ZNF778: variants seen among roughly 807,000 people sequenced by gnomAD.
ZNF778 encodes the protein zinc finger protein 778.
Under a neutral mutation model 23.9 loss-of-function variants are expected in ZNF778, and 37 were observed. The observed-to-expected ratio is 1.54, with a 90% confidence interval of 1.19 to 2.03. The LOEUF (loss-of-function observed/expected upper bound fraction) is 2.03. ZNF778 is among the 30% of genes most tolerant of loss of function. The pLI is 0.00. For synonymous variants in ZNF778, 483 were observed against 343.9 expected (o/e 1.40, Z -4.48); for missense variants, 1,297 against 934.4 (o/e 1.39, Z -5.06).
rs895191705 is a variant in ZNF778, at chr16:89,230,226, G to A, written c.*1664G>A. ...ACCAGGGTGCAAGGAGGGGCAGAGT[G>A]GAGAGGGGCGAGGTCTGTACCCTGA... On this transcript the variant is annotated 3_prime_UTR_variant, in exon 7 of 7. Transcript: ENST00000433976. The A allele has an allele frequency of 1.8e-5, 5 of 284,542 alleles. No homozygotes were observed. Among genetic ancestry groups the A allele is most frequent in the Non-Finnish European group, 2.6e-5 (5 of 189,380 alleles). 17.6% of individuals were successfully genotyped at this position (284,542 alleles called of 1,614,324 possible).
chr16:89,224,226 C>T (rs867181872), intron 4 of ZNF778, among the ~76,000 whole-genome samples: 11 of 150,176 alleles, frequency 7.3e-5, no homozygotes, highest in Admixed American at 3.3e-4. Flanking sequence ...GGTGGCCACG[C>T]CTGTAATCCC....
rs925850922 is a variant in ZNF778, at chr16:89,231,473, A to T, written c.*2911A>T. 1 of 151,788 alleles carries T rather than the reference A, an allele frequency of 6.6e-6. No individual in the cohort carries two copies. The highest frequency in any genetic ancestry group is 6.6e-5 in the Admixed American group (1 of 15,232). 9.4% of individuals were successfully genotyped at this position (151,788 alleles called of 1,614,324 possible). On this transcript the variant is annotated 3_prime_UTR_variant, in exon 7 of 7. Coordinates refer to ENST00000433976, the MANE Select transcript of ZNF778 (RefSeq NM_001201407.2). ...AGCACAGACCTCAATTAAGACGACT[A>T]CCCCTCCGACGACTCCCCCTCCCTT...
chr16:89,219,464 T>A (rs756176350), intron 1 of ZNF778, among the ~76,000 whole-genome samples: 2 of 152,254 alleles, frequency 1.3e-5, no homozygotes, highest in Non-Finnish European at 2.9e-5. Flanking sequence ...TCAGCCTTAG[T>A]CACCTCATGT....
Position 89,232,642 on chromosome 16 carries a change from G to GTT in ZNF778, c.*4093_*4094dup. 9.4e-5 allele frequency: 98 copies of GTT among 1,046,896 alleles called. No homozygotes were observed. Among genetic ancestry groups the GTT allele is most frequent in the Non-Finnish European group, 9.7e-5 (85 of 877,652 alleles). 64.9% of individuals were successfully genotyped at this position (1,046,896 alleles called of 1,614,324 possible). A position where few individuals can be genotyped will look rare whatever the true frequency, so the allele number is the denominator to read the frequency against. Reference sequence around the variant, plus strand: ...TTAAAGGACCAATTGTATTAATTATGTTTTTTTTTTTTTTGTTAGGGTACA... The same window carrying GTT: ...TTAAAGGACCAATTGTATTAATTATGTTTTTTTTTTTTTTTTGTTAGGGTACA... On this transcript the variant is annotated 3_prime_UTR_variant, in exon 7 of 7. Transcript: ENST00000433976.
Position 89,222,154 on chromosome 16 carries a change from GTGGCTGGCTGGC to G in ZNF778, c.91_102del (p.Ala31_Leu34del). 6.2e-7 allele frequency: 1 copy of G among 1,605,738 alleles called. No homozygotes were observed. The highest frequency in any genetic ancestry group is 8.5e-7 in the Non-Finnish European group (1 of 1,174,584). On this transcript the variant is annotated inframe_deletion, in exon 3 of 7. Transcript: ENST00000433976. ...AGAACAGACACAGGCAGCAGGGATG[GTGGCTGGCTGGC>G]TGATAAATTGTTACCAGGTATGCCA...
chr16:89,231,273 G>C lies in ZNF778; in HGVS notation c.*2711G>C, dbSNP rs147389827. On this transcript the variant is annotated 3_prime_UTR_variant, in exon 7 of 7. Transcript: ENST00000433976. Reference sequence around the variant, plus strand: ...ATCCTGATTGGCTGAAATAAGTCCTGCAGGTCTCTGCTAGAACTGACTCAC... The same window carrying C: ...ATCCTGATTGGCTGAAATAAGTCCTCCAGGTCTCTGCTAGAACTGACTCAC... The C allele has an allele frequency of 1.8e-4, 28 of 152,388 alleles. No individual in the cohort carries two copies. The highest frequency in any genetic ancestry group is 6.5e-4 in the African/African-American group (27 of 41,594). The allele number at this position is 152,388 out of a possible 1,614,324, so 9.4% of individuals were successfully genotyped here.
chr16:89,228,145 T>C lies in ZNF778; in HGVS notation c.1857T>C (p.Cys619=), dbSNP rs1318895165. ...RTHTGEKPYE[C]KVCGKAFTTS... is the part of the protein sequence containing the mutation. ...ACACTGGAGAGAAACCTTATGAATG[T>C]AAAGTATGCGGAAAGGCCTTCACCA... The change falls in exon 7 of 7, where the codon TGT becomes TGC. Residue 619 remains cysteine (C), a synonymous_variant. Coordinates refer to ENST00000433976, the MANE Select transcript of ZNF778 (RefSeq NM_001201407.2). 1 of 1,613,454 alleles carries C rather than the reference T, an allele frequency of 6.2e-7. No homozygotes were observed. The highest frequency in any genetic ancestry group is 8.5e-7 in the Non-Finnish European group (1 of 1,179,684).
At position 89,232,829 on chromosome 16, in the gene ZNF778, A is replaced by G. The variant is rs1009985428; in HGVS notation, c.*4267A>G. On this transcript the variant is annotated 3_prime_UTR_variant, in exon 7 of 7. Coordinates refer to ENST00000433976, the MANE Select transcript of ZNF778 (RefSeq NM_001201407.2). ...GCATATGCAACTCAACTCACACCGTATATGCAACTCAACTCACACCGTGTA... is the reference window on the plus strand; with the variant it reads ...GCATATGCAACTCAACTCACACCGTGTATGCAACTCAACTCACACCGTGTA... 39 of 1,272,586 alleles carry G rather than the reference A, an allele frequency of 3.1e-5. No homozygotes were observed. Among genetic ancestry groups the G allele is most frequent in the Non-Finnish European group, 3.7e-5 (36 of 984,098 alleles). The allele number at this position is 1,272,586 out of a possible 1,614,324, so 78.8% of individuals were successfully genotyped here.
In ZNF778 at chr16:89,233,700, C is replaced by G. The variant is rs1251699172; in HGVS notation, c.*5138C>G. The G allele has an allele frequency of 1.6e-6, 2 of 1,279,030 alleles. No individual in the cohort carries two copies. The highest frequency in any genetic ancestry group is 2.0e-6 in the Non-Finnish European group (2 of 986,640). The allele number at this position is 1,279,030 out of a possible 1,614,324, so 79.2% of individuals were successfully genotyped here. A position where few individuals can be genotyped will look rare whatever the true frequency, so the allele number is the denominator to read the frequency against. On this transcript the variant is annotated 3_prime_UTR_variant, in exon 7 of 7. Transcript: ENST00000433976. ...TATGCAAATCAACTTACTGCATATGCAACTCAACTCACTGCGTATGCAACT... is the reference window on the plus strand; with the variant it reads ...TATGCAAATCAACTTACTGCATATGGAACTCAACTCACTGCGTATGCAACT...
Position 89,236,423 on chromosome 16 carries a change from G to C in ZNF778, c.*7861G>C, listed in dbSNP as rs1473138968. Reference sequence around the variant, plus strand: ...ATCCAACAAAATATCCTTTAGGAATGAAACAGAAGTAACGATGAGGCAATA... The same window carrying C: ...ATCCAACAAAATATCCTTTAGGAATCAAACAGAAGTAACGATGAGGCAATA... On this transcript the variant is annotated 3_prime_UTR_variant, in exon 7 of 7. Coordinates refer to ENST00000433976, the MANE Select transcript of ZNF778 (RefSeq NM_001201407.2). 7 of 152,168 alleles carry C rather than the reference G, an allele frequency of 4.6e-5. No individual in the cohort carries two copies. The highest frequency in any genetic ancestry group is 1.7e-4 in the African/African-American group (7 of 41,444). The allele number at this position is 152,168 out of a possible 1,614,324, so 9.4% of individuals were successfully genotyped here. A position where few individuals can be genotyped will look rare whatever the true frequency, so the allele number is the denominator to read the frequency against.
Position 89,226,337 on chromosome 16 carries a change from C to G in ZNF778, c.406-357C>G, listed in dbSNP as rs553928224. ...TCTTCTGCCTCAGCCTCCTGAGTAG[C>G]TGGGATTACAGGCATGCGCCACCAT... On this transcript the variant is annotated intron_variant, in intron 6 of 6. Coordinates refer to ENST00000433976, the MANE Select transcript of ZNF778 (RefSeq NM_001201407.2). Among the ~76,000 whole-genome samples the G allele has an allele frequency of 3.9e-5, 6 of 152,194 alleles. No individual in the cohort carries two copies. In the South Asian group the frequency reaches 1.2e-3, roughly 32 times the overall value.
intron 3 of ZNF778, 78 bp from the exon 4 acceptor site, chr16:89,223,079 A>C: frequency 6.5e-7 from 1 of 1,529,950 alleles, no homozygotes; most frequent in South Asian, 1.3e-5. Context: ...CCATAGGCGT[A>C]GGGCCCCGCC....
rs1002894006 is a variant in ZNF778 at position 89,228,339 on chromosome 16, C to T, written c.2051C>T (p.Ala684Val). The T allele has an allele frequency of 2.5e-6, 4 of 1,613,422 alleles. No individual in the cohort carries two copies. The highest frequency in any genetic ancestry group is 1.3e-5 in the African/African-American group (1 of 74,894). Residue 684 changes from alanine to valine, a missense_variant, in exon 7 of 7, where the codon GCC becomes GTC. Ala to Val is a moderately conservative substitution (Grantham distance 64). Coordinates refer to ENST00000433976, the MANE Select transcript of ZNF778 (RefSeq NM_001201407.2). ...AACGAGTGTGGGAAAGCCTTCCGTG[C>T]CTCCTCTCACCTGCATAAACATGGA... ...ICNECGKAFR[A>V]SSHLHKHGRI... is the part of the protein sequence containing the mutation.
chr16:89,222,030 A>G (rs992394975), intron 2 of ZNF778, 62 bp from the exon 3 acceptor site: 6 of 1,234,112 alleles, frequency 4.9e-6, no homozygotes, highest in Non-Finnish European at 4.6e-6. Flanking sequence ...TTCCGGGTCC[A>G]TGAGTGTGGA....
intron 4 of ZNF778, 146 bp from the exon 5 acceptor site, chr16:89,224,573 T>TGC (rs2031292659): frequency 1.1e-5 from 6 of 566,714 alleles, no homozygotes; most frequent in Middle Eastern, 3.8e-4. Context: ...GAGCCGAGAT[T>TGC]GCACCACTGC....
intron 1 of ZNF778, among the ~76,000 whole-genome samples, chr16:89,219,891 C>T (rs775519832): frequency 1.3e-5 from 2 of 152,218 alleles, no homozygotes; most frequent in Non-Finnish European, 2.9e-5. Context: ...AGGTGCATAT[C>T]GGAGGGGATG....
intron 5 of ZNF778, 81 bp from the exon 6 acceptor site, chr16:89,225,474 G>GTTT: frequency 8.9e-7 from 1 of 1,118,230 alleles, no homozygotes; most frequent in Non-Finnish European, 1.3e-6. Context: ...TCTTTGCTTT[G>GTTT]TTTTTTTTTC....
rs1405410734 is a variant in ZNF778, at chr16:89,228,352, G to C, written c.2064G>C (p.Leu688=). 6.2e-7 allele frequency: 1 copy of C among 1,613,408 alleles called. No homozygotes were observed. ...AAGCCTTCCGTGCCTCCTCTCACCT[G>C]CATAAACATGGAAGAATTCACACTG... is the stretch of plus-strand genomic sequence containing the variant. ...CGKAFRASSH[L]HKHGRIHTGQ... The change falls in exon 7 of 7, where the codon CTG becomes CTC. Residue 688 remains leucine (L), a synonymous_variant. Coordinates refer to ENST00000433976, the MANE Select transcript of ZNF778 (RefSeq NM_001201407.2).
rs1253937190 is a variant in ZNF778 at position 89,233,970 on chromosome 16, C to T, written c.*5408C>T. The T allele has an allele frequency of 2.4e-6, 3 of 1,258,868 alleles. No individual in the cohort carries two copies. Among genetic ancestry groups the T allele is most frequent in the Admixed American group, 2.3e-5 (1 of 43,520 alleles). The allele number at this position is 1,258,868 out of a possible 1,614,324, so 78.0% of individuals were successfully genotyped here. A position where few individuals can be genotyped will look rare whatever the true frequency, so the allele number is the denominator to read the frequency against. On this transcript the variant is annotated 3_prime_UTR_variant, in exon 7 of 7. Transcript: ENST00000433976. ...GCCTGCTGGAAGTATGCAGACTAGC[C>T]AGCCCCAGACTTCATCCTGCCCTGT... is the stretch of plus-strand genomic sequence containing the variant.
Sources: gnomAD v4.1 joint callset for allele counts (sites outside exome capture counted in the v4.1 genomes callset) on GRCh38, gnomAD v4.1.1 for gene constraint, MANE v1.5 for transcripts, NCBI Gene and HGNC (gene_info 2026-07-23, HGNC 2026-07-21) for gene names.